EFR3B: variants seen among roughly 807,000 people sequenced by gnomAD.
EFR3B encodes the protein protein EFR3 homolog B.
In EFR3B, 64 loss-of-function variants were observed where a neutral mutation model predicts 104.7. The observed-to-expected ratio is 0.61, with a 90% CI of 0.50 to 0.75. The LOEUF is 0.75. EFR3B is among the 30% of genes least tolerant of loss of function. The pLI, the probability that EFR3B is intolerant of heterozygous loss-of-function variation, is 0.00. For missense variants in EFR3B, 750 were observed against 1,078.5 expected (o/e 0.70, Z 4.27); for synonymous variants, 385 against 417.9 (o/e 0.92, Z 0.96).
At chr2:25,092,290 G>C (rs1355894540) in intron 2 of EFR3B, among the ~76,000 whole-genome samples, 2 of 151,158 alleles carry the variant, frequency 1.3e-5, no homozygotes, top group African/African-American at 2.4e-5. Flanking sequence ...GGATGGTCTC[G>C]ATATCCTGAC....
rs1278323512 is a variant in EFR3B at position 25,151,972 on chromosome 2, G to A, written c.2250G>A (p.Lys750=). Residue 750 remains lysine (K), a synonymous_variant, in exon 21 of 23, where the codon AAG becomes AAA. Coordinates refer to ENST00000403714, the MANE Select transcript of EFR3B (RefSeq NM_014971.2). ...AGCGGCGGCGGCAGGTGGTGGAGAAGTTCCAGAAGGCACCCTTCGAGGAGA... is the reference window on the plus strand; with the variant it reads ...AGCGGCGGCGGCAGGTGGTGGAGAAATTCCAGAAGGCACCCTTCGAGGAGA... ...ERERRRQVVE[K]FQKAPFEEIA... is the part of the protein sequence containing the mutation. 2 of 1,551,772 alleles carry A rather than the reference G, an allele frequency of 1.3e-6. No individual in the cohort carries two copies. Among genetic ancestry groups the A allele is most frequent in the Middle Eastern group, 1.7e-4 (1 of 5,992 alleles).
At chr2:25,055,064 C>T (rs1397710476) in intron 1 of EFR3B, among the ~76,000 whole-genome samples, 1 of 152,192 alleles carries the variant, frequency 6.6e-6, no homozygotes, top group Non-Finnish European at 1.5e-5. Context: ...CAGGAGAACT[C>T]TTTGGAGGTG....
intron 1 of EFR3B, among the ~76,000 whole-genome samples, chr2:25,074,428 G>C (rs940227579): frequency 6.6e-6 from 1 of 151,980 alleles, no homozygotes; most frequent in Non-Finnish European, 1.5e-5. Flanking sequence ...AGCCAGGCGT[G>C]GTGGTGTGTG....
chr2:25,088,129 G>A (rs762444295), intron 1 of EFR3B, among the ~76,000 whole-genome samples: 43 of 151,320 alleles, frequency 2.8e-4, no homozygotes, highest in Admixed American at 7.9e-4. Context: ...TTCCCCTACC[G>A]CATGGCAGCC....
At chr2:25,132,130 A>G (rs2149205938) in intron 10 of EFR3B, among the ~76,000 whole-genome samples, 1 of 152,306 alleles carries the variant, frequency 6.6e-6, no homozygotes, top group South Asian at 2.1e-4. Context: ...AGGGCATCCA[A>G]CCGGGCCCCT....
At chr2:25,086,014 G>C (rs564757833) in intron 1 of EFR3B, among the ~76,000 whole-genome samples, 12 of 152,080 alleles carry the variant, frequency 7.9e-5, no homozygotes, top group Non-Finnish European at 1.3e-4. Context: ...ATTTTTTAGA[G>C]CATACAGTAT....
chr2:25,129,955 A>G lies in EFR3B; in HGVS notation c.636-20A>G, dbSNP rs973149899. The G allele has an allele frequency of 1.3e-5, 20 of 1,550,506 alleles. No individual in the cohort carries two copies. The highest frequency in any genetic ancestry group is 1.6e-5 in the Non-Finnish European group (18 of 1,146,874). On this transcript the variant is annotated intron_variant, in intron 6 of 22. Transcript: ENST00000403714. ...CCAGCCTGCATGCCACCCTCTACCC[A>G]TGTGCCTCTGTCTCCCCAGCCGGTC...
chr2:25,093,012 G>C lies in EFR3B; in HGVS notation c.94G>C (p.Val32Leu). The change falls in exon 3 of 23, where the codon GTG becomes CTG. Residue 32 changes from valine to leucine, a missense_variant. Val to Leu is a conservative substitution (Grantham distance 32). Coordinates refer to ENST00000403714, the MANE Select transcript of EFR3B (RefSeq NM_014971.2). ...CTGTTTTCTCCTACAGGATGGTCTG[G>C]TGAAGACCAACATGGAGAAGCTGAC... Reference protein sequence around the residue: ...IFPEDPEDGLVKTNMEKLTFY... With the variant: ...IFPEDPEDGLLKTNMEKLTFY... The C allele has an allele frequency of 6.5e-7, 1 of 1,546,308 alleles. No individual in the cohort carries two copies. Among genetic ancestry groups the C allele is most frequent in the Non-Finnish European group, 8.7e-7 (1 of 1,146,952 alleles).
At chr2:25,059,487 G>A (rs113103072) in intron 1 of EFR3B, among the ~76,000 whole-genome samples, 2,068 of 147,096 alleles carry the variant, frequency 0.014, 43 homozygotes, top group African/African-American at 0.046. Flanking sequence ...ACAAGGACAA[G>A]TAGTATATGA....
intron 18 of EFR3B, among the ~76,000 whole-genome samples, chr2:25,144,707 C>T (rs1240731833): frequency 6.6e-6 from 1 of 152,208 alleles, no homozygotes; most frequent in Non-Finnish European, 1.5e-5. Flanking sequence ...TGGTCATAAG[C>T]ACCTTCTTTG....
At chr2:25,107,341 C>G (rs1464594082) in intron 4 of EFR3B, among the ~76,000 whole-genome samples, 1 of 152,174 alleles carries the variant, frequency 6.6e-6, no homozygotes, top group Non-Finnish European at 1.5e-5. Context: ...TCCCTCAGAC[C>G]TGGTTTTGCT....
At chr2:25,053,514 C>T (rs1030217531) in intron 1 of EFR3B, among the ~76,000 whole-genome samples, 3 of 152,174 alleles carry the variant, frequency 2.0e-5, no homozygotes, top group Admixed American at 6.5e-5. Flanking sequence ...AGATTGGTTC[C>T]GTGGTCAGTC....
At chr2:25,082,567 G>A (rs911141530) in intron 1 of EFR3B, among the ~76,000 whole-genome samples, 1 of 152,218 alleles carries the variant, frequency 6.6e-6, no homozygotes, top group Non-Finnish European at 1.5e-5. Flanking sequence ...TTTGCTAAGT[G>A]CCTCATAGAC....
intron 4 of EFR3B, among the ~76,000 whole-genome samples, chr2:25,117,160 G>A (rs1669884894): frequency 6.6e-6 from 1 of 152,156 alleles, no homozygotes; most frequent in South Asian, 2.1e-4. Flanking sequence ...GTGTAGGGAG[G>A]CGAGAGGAAG....
At chr2:25,128,896 C>T (rs114255118) in intron 6 of EFR3B, among the ~76,000 whole-genome samples, 14,579 of 131,514 alleles carry the variant, frequency 0.11, 1,660 homozygotes, top group African/African-American at 0.31. Context: ...GGAGGCAGAA[C>T]TTGCAGTGAG....
intron 1 of EFR3B, among the ~76,000 whole-genome samples, chr2:25,078,252 C>T (rs375662698): frequency 6.6e-6 from 1 of 152,210 alleles, no homozygotes; most frequent in East Asian, 1.9e-4. Flanking sequence ...GAATCAGATG[C>T]ACCTCTCTCT....
At chr2:25,093,230 C>G (rs1669182049) in intron 3 of EFR3B, 100 bp downstream of exon 3, 1 of 1,445,524 alleles carries the variant, frequency 6.9e-7, no homozygotes, top group African/African-American at 1.4e-5. Context: ...CAGAGTGGCT[C>G]ACGCCTGTAA....
At position 25,143,834 on chromosome 2, in the gene EFR3B, C is replaced by T. The variant is rs750034478; in HGVS notation, c.2022C>T (p.Leu674=). 2.6e-6 allele frequency: 4 copies of T among 1,551,704 alleles called. No individual in the cohort carries two copies. The South Asian group carries it at 4.8e-5, about 18-fold the overall frequency. ...GCAGTGGCTACAACTCGGACCGGCT[C>T]TGCCTGCCCTACATTCCTCAGCTGA... is the stretch of plus-strand genomic sequence containing the variant. ...LGGSGYNSDR[L]CLPYIPQLTD... The change falls in exon 18 of 23, where the codon CTC becomes CTT. Residue 674 remains leucine, a synonymous_variant. Transcript: ENST00000403714.
At chr2:25,121,562 A>T in intron 4 of EFR3B, 111 bp from the exon 5 acceptor site, 1 of 1,384,332 alleles carries the variant, frequency 7.2e-7, no homozygotes, top group Non-Finnish European at 9.9e-7. Context: ...AGCTGGCTCC[A>T]GGATGCGTGG....
Sources: allele counts gnomAD v4.1 joint callset (sites outside exome capture counted in the v4.1 genomes callset), GRCh38; gene constraint gnomAD v4.1.1; transcripts MANE v1.5; gene names NCBI Gene and HGNC (gene_info 2026-07-23, HGNC 2026-07-21).